Variants in TRANK1 observed in about 807,000 individuals in gnomAD.
TRANK1 encodes the protein tetratricopeptide repeat and ankyrin repeat containing 1.
TRANK1 carries 198 observed loss-of-function variants against 266.0 expected under a neutral mutation model. That is an observed-to-expected ratio of 0.74 (90% CI 0.66 to 0.84). The LOEUF is 0.84. Among genes scored for constraint, TRANK1 ranks in the 40% least tolerant of loss-of-function variants. TRANK1 has a pLI of 0.00. For synonymous variants in TRANK1, 1,396 were observed against 1,384.1 expected (o/e 1.01, Z -0.19); for missense variants, 3,326 against 3,634.6 (o/e 0.92, Z 2.18).
intron 18 of TRANK1, among the ~76,000 whole-genome samples, chr3:36,839,894 G>A (rs1032630632): frequency 6.6e-6 from 1 of 152,166 alleles, no homozygotes; most frequent in Non-Finnish European, 1.5e-5. Flanking sequence ...CTTCTGTGGT[G>A]GTTCTGAAAC....
chr3:36,901,518 C>G (rs2079882720), intron 3 of TRANK1, among the ~76,000 whole-genome samples: 2 of 152,168 alleles, frequency 1.3e-5, no homozygotes, highest in Admixed American at 1.3e-4. Context: ...AGATCTCAGG[C>G]CTGTCCACAT....
intron 20 of TRANK1, among the ~76,000 whole-genome samples, chr3:36,836,290 GC>G (rs1255765151): frequency 9.0e-5 from 13 of 144,454 alleles, no homozygotes; most frequent in Non-Finnish European, 1.7e-4. Flanking sequence ...GACATACTGT[GC>G]CAAGGTGCTA....
chr3:36,895,798 G>A (rs2079781484), intron 4 of TRANK1, 40 bp from the exon 5 acceptor site: 1 of 1,374,576 alleles, frequency 7.3e-7, no homozygotes, highest in South Asian at 1.3e-5. Flanking sequence ...TTAATGTGGG[G>A]AAAGTCTACA....
intron 17 of TRANK1, among the ~76,000 whole-genome samples, chr3:36,843,794 C>CA (rs1481635742): frequency 1.3e-5 from 2 of 152,144 alleles, no homozygotes; most frequent in Non-Finnish European, 2.9e-5. Context: ...TTAGAAGGTG[C>CA]AAAAACACGT....
intron 10 of TRANK1, among the ~76,000 whole-genome samples, chr3:36,861,787 G>C (rs1575218980): frequency 6.8e-6 from 1 of 146,644 alleles, no homozygotes; most frequent in East Asian, 2.0e-4. Flanking sequence ...CTCACTGCAA[G>C]CTCCACCTCC....
chr3:36,892,833 A>G (rs1047652921), intron 6 of TRANK1, 68 bp downstream of exon 6: 8 of 660,124 alleles, frequency 1.2e-5, no homozygotes, highest in Non-Finnish European at 3.9e-6. Flanking sequence ...GTCTCAAAAC[A>G]AAACAAAACA....
At chr3:36,854,589 G>A (rs1336250678) in intron 13 of TRANK1, among the ~76,000 whole-genome samples, 4 of 152,152 alleles carry the variant, frequency 2.6e-5, no homozygotes, top group Non-Finnish European at 5.9e-5. Context: ...TTAAACTTGT[G>A]TACCTTAGTT....
At chr3:36,887,469 A>T (rs1416591229) in intron 8 of TRANK1, among the ~76,000 whole-genome samples, 1 of 152,218 alleles carries the variant, frequency 6.6e-6, no homozygotes, top group East Asian at 1.9e-4. Flanking sequence ...CCCACCACAC[A>T]TCTCTTCCCA....
At chr3:36,878,042 C>CCAGCCGTGGA (rs112085154) in intron 8 of TRANK1, among the ~76,000 whole-genome samples, 6 of 151,724 alleles carry the variant, frequency 4.0e-5, no homozygotes, top group African/African-American at 1.5e-4. Flanking sequence ...CCCCAACCCC[C>CCAGCCGTGGA]CAGGTGCTGG....
intron 15 of TRANK1, chr3:36,850,027 G>A (rs996947386): frequency 1.0e-6 from 1 of 985,268 alleles, no homozygotes; most frequent in South Asian, 4.7e-5. Context: ...ACACATAACT[G>A]GATTTTTCTT....
Position 36,857,683 on chromosome 3 carries a change from T to C in TRANK1, c.2039A>G (p.Lys680Arg), listed in dbSNP as rs758375034. 1.3e-5 allele frequency: 21 copies of C among 1,614,022 alleles called. No homozygotes were observed. The highest frequency in any genetic ancestry group is 1.7e-5 in the Non-Finnish European group (20 of 1,179,896). Residue 680 changes from lysine to arginine, a missense_variant, in exon 13 of 24, where the codon AAG (lysine) becomes AGG (arginine). By Grantham distance (26) the Lys-to-Arg change is conservative. Transcript: ENST00000645898. The surrounding 1 kb of genome is among the most constrained non-coding windows in gnomAD (Gnocchi z 4.3). ...STAPGHTSQLKSQGSFKSVPC... is the reference protein window; with the variant it reads ...STAPGHTSQLRSQGSFKSVPC... ...CACTGACTTGAATGAACCCTGGGAC[T>C]TGAGCTGAGATGTGTGACCAGGGGC...
At chr3:36,868,076 G>A (rs1396076916) in intron 9 of TRANK1, among the ~76,000 whole-genome samples, 1 of 152,202 alleles carries the variant, frequency 6.6e-6, no homozygotes, top group Non-Finnish European at 1.5e-5. Flanking sequence ...CTCCCACTTG[G>A]CTCCCTAAGC....
chr3:36,842,051 T>C lies in TRANK1; in HGVS notation c.5280+571A>G, dbSNP rs374096796. On this transcript the variant is annotated intron_variant, in intron 18 of 23. Transcript: ENST00000645898. ...AATGCTGACTTTGGGAAAAGCAACA[T>C]GGCTCTTTAACCTGGTTTCAAAATG... Among the ~76,000 whole-genome samples, 86 of 152,306 alleles carry C rather than the reference T, an allele frequency of 5.6e-4. 1 individual carries two copies. The highest frequency in any genetic ancestry group is 2.0e-3 in the African/African-American group (83 of 41,582).
chr3:36,831,852 C>A lies in TRANK1; in HGVS notation c.7731G>T (p.Leu2577=). The stretch of plus-strand genomic sequence containing the variant: ...ACAGGAGAGGCTTGCAGTATGGCTG[C>A]AGGATCTCCTCAGCATTCACTAGCA... The part of the protein sequence containing the change: ...LVMLVNAEEI[L]QPYCKPLLYR... The change falls in exon 22 of 24, where the codon CTG becomes CTT. Residue 2577 remains leucine (L), a synonymous_variant. Transcript: ENST00000645898. The surrounding 1 kb of genome is among the most constrained non-coding windows in gnomAD (Gnocchi z 5.0). 6.2e-7 allele frequency: 1 copy of A among 1,614,000 alleles called. No homozygotes were observed. Among genetic ancestry groups the A allele is most frequent in the Non-Finnish European group, 8.5e-7 (1 of 1,179,890 alleles).
Position 36,855,364 on chromosome 3 carries a change from C to T in TRANK1, c.4358G>A (p.Cys1453Tyr), listed in dbSNP as rs755347238. ...TQAELALLMK[C>Y]INDPNSMFLT... Reference sequence around the variant, plus strand: ...GAACATAGAGTTGGGGTCATTGATGCATTTCATCAGCAGCGCCAGCTCGGC... The same window carrying T: ...GAACATAGAGTTGGGGTCATTGATGTATTTCATCAGCAGCGCCAGCTCGGC... Residue 1453 changes from cysteine (C) to tyrosine (Y), a missense_variant, in exon 13 of 24, where the codon TGC (cysteine) becomes TAC (tyrosine). Transcript: ENST00000645898. The T allele has an allele frequency of 4.0e-5, 65 of 1,614,040 alleles. No individual in the cohort carries two copies. The highest frequency in any genetic ancestry group is 5.4e-5 in the Non-Finnish European group (64 of 1,179,878).
chr3:36,939,338 C>T (rs1315387838), intron 1 of TRANK1, among the ~76,000 whole-genome samples: 2 of 151,728 alleles, frequency 1.3e-5, no homozygotes, highest in Non-Finnish European at 2.9e-5. Context: ...ACACTATGTG[C>T]CCACCATGTT....
rs1323682268 is a variant in TRANK1 at position 36,855,494 on chromosome 3, C to T, written c.4228G>A (p.Glu1410Lys). 3.7e-6 allele frequency: 6 copies of T among 1,613,978 alleles called. No individual in the cohort carries two copies. Residue 1410 changes from glutamate to lysine, a missense_variant, in exon 13 of 24, where the codon GAA (glutamate) becomes AAA (lysine). Physicochemically the swap from Glu to Lys is moderately conservative, Grantham distance 56. Transcript: ENST00000645898. ...QIRSQKGYFD[E>K]EDVLYNISRR... The stretch of plus-strand genomic sequence containing the variant: ...GATATGTTGTACAGAACATCCTCTT[C>T]ATCAAAATAACCTTTCTGGGACCTG...
chr3:36,837,114 G>C (rs975243189), intron 20 of TRANK1, among the ~76,000 whole-genome samples: 2 of 152,158 alleles, frequency 1.3e-5, no homozygotes, highest in African/African-American at 2.4e-5. Flanking sequence ...CCTTCTTCTG[G>C]ATCCTCAGGA....
chr3:36,926,889 T>C (rs889319590), intron 1 of TRANK1, among the ~76,000 whole-genome samples: 2 of 152,226 alleles, frequency 1.3e-5, no homozygotes, highest in African/African-American at 2.4e-5. Flanking sequence ...ATCCCATTAA[T>C]ATTTAAAAAC....
Sources: gnomAD v4.1 joint callset for allele counts (sites outside exome capture counted in the v4.1 genomes callset) on GRCh38, gnomAD v4.1.1 for gene constraint, Gnocchi (gnomAD v3.1) non-coding constraint, MANE v1.5 for transcripts, NCBI Gene and HGNC (gene_info 2026-07-23, HGNC 2026-07-21) for gene names.